MKI67: variants seen among roughly 807,000 people sequenced by gnomAD.
MKI67 encodes the protein marker of proliferation Ki-67.
A neutral mutation model predicts 233.5 loss-of-function variants in MKI67; 152 were observed. The ratio of observed to expected loss-of-function variants is 0.65; its 90% CI spans 0.57 to 0.74. The LOEUF is 0.74. Among genes scored for constraint, MKI67 ranks in the 30% least tolerant of loss-of-function variants. The pLI is 0.00. For synonymous variants in MKI67, 1,465 were observed against 1,418.5 expected, an observed-to-expected ratio of 1.03 and a Z score of -0.74; for missense variants, 3,940 against 3,885.2, an observed-to-expected ratio of 1.01 and a Z score of -0.37.
Position 128,108,304 on chromosome 10 carries a change from G to C in MKI67, c.3536C>G (p.Pro1179Arg), listed in dbSNP as rs922525302. Reference sequence around the variant, plus strand: ...AATGTCTTTCTCATCACCTCCTGCTGGTTTGGGCGTAAGCATGGCTTTCCC... The same window carrying C: ...AATGTCTTTCTCATCACCTCCTGCTCGTTTGGGCGTAAGCATGGCTTTCCC... The part of the protein sequence containing the change: ...SAGKAMLTPK[P>R]AGGDEKDIKA... Residue 1179 changes from proline (P) to arginine (R), a missense_variant, in exon 13 of 15, where the codon CCA (proline) becomes CGA (arginine). Pro to Arg is a moderately radical substitution (Grantham distance 103). Transcript: ENST00000368654. The C allele has an allele frequency of 6.2e-7, 1 of 1,613,864 alleles. No individual in the cohort carries two copies. Among genetic ancestry groups the C allele is most frequent in the Non-Finnish European group, 8.5e-7 (1 of 1,180,018 alleles).
In MKI67 at chr10:128,108,675, G is replaced by C; in HGVS notation, c.3165C>G (p.His1055Gln). 6.2e-7 allele frequency: 1 copy of C among 1,614,194 alleles called. No homozygotes were observed. The highest frequency in any genetic ancestry group is 8.5e-7 in the Non-Finnish European group (1 of 1,180,046). Residue 1055 changes from histidine (H) to glutamine (Q), a missense_variant, in exon 13 of 15, where the codon CAC becomes CAG. Coordinates refer to ENST00000368654, the MANE Select transcript of MKI67 (RefSeq NM_002417.5). The part of the protein sequence containing the change: ...TRTSGETTHT[H>Q]REPAGDGKSI... ...TCTTGCCATCTCCTGCTGGCTCTCT[G>C]TGCGTGTGCGTGGTCTCCCCTGACG...
At chr10:128,122,546 TTC>T (rs963555920) in intron 4 of MKI67, among the ~76,000 whole-genome samples, 5 of 152,196 alleles carry the variant, frequency 3.3e-5, no homozygotes, top group African/African-American at 9.7e-5. Flanking sequence ...TTGTACCTTT[TTC>T]TCTGTGTATA....
At position 128,103,216 on chromosome 10, in the gene MKI67, G is replaced by A. The variant is rs369383878; in HGVS notation, c.8624C>T (p.Pro2875Leu). Residue 2875 changes from proline (P) to leucine (L), a missense_variant, in exon 13 of 15, where the codon CCG (proline) becomes CTG (leucine). Transcript: ENST00000368654. ...TTTCGTGCCTTTGCCCTCACCTACC[G>A]GCTCTTTGTCGGTGTGCGTGGTCTC... ...SGETTHTDKEPVGEGKGTKAF... is the reference protein window; with the variant it reads ...SGETTHTDKELVGEGKGTKAF... The A allele has an allele frequency of 3.7e-5, 59 of 1,613,840 alleles. No individual in the cohort carries two copies. In the South Asian group the frequency reaches 4.4e-4, roughly 12 times the overall value.
chr10:128,106,764 G>A lies in MKI67; in HGVS notation c.5076C>T (p.Gly1692=). ...TAGGAGTTCTCAGCTGCCTCTTGCT[G>A]CCAGTTAGACTTGCTGCTGAGTCTA... ...QILDSAASLT[G]SKRQLRTPKG... Residue 1692 remains glycine (G), a synonymous_variant, in exon 13 of 15, where the codon GGC becomes GGT. Transcript: ENST00000368654. 6.2e-7 allele frequency: 1 copy of A among 1,614,104 alleles called. No individual in the cohort carries two copies. The highest frequency in any genetic ancestry group is 8.5e-7 in the Non-Finnish European group (1 of 1,180,034).
At chr10:128,114,487 C>A (rs541957085) in intron 7 of MKI67, among the ~76,000 whole-genome samples, 1 of 152,348 alleles carries the variant, frequency 6.6e-6, no homozygotes, top group Admixed American at 6.5e-5. Flanking sequence ...ACTCTGAAAA[C>A]AGAGTATCAA....
In MKI67 at chr10:128,107,484, C is replaced by T. The variant is rs756839751; in HGVS notation, c.4356G>A (p.Lys1452=). ...CCTTTTCCTTAGTTTTTGGGTGCCT[C>T]TTGCTACCAGTTACACTTGCTGCTG... ...LDPAASVTGS[K]RHPKTKEKAQ... is the part of the protein sequence containing the mutation. Residue 1452 remains lysine (K), a synonymous_variant, in exon 13 of 15, where the codon AAG becomes AAA. Transcript: ENST00000368654. The T allele has an allele frequency of 2.7e-5, 44 of 1,612,438 alleles. No homozygotes were observed. Among genetic ancestry groups the T allele is most frequent in the Middle Eastern group, 1.6e-4 (1 of 6,078 alleles).
Position 128,107,220 on chromosome 10 carries a change from T to A in MKI67, c.4620A>T (p.Thr1540=). Residue 1540 remains threonine, a synonymous_variant, in exon 13 of 15, where the codon ACA becomes ACT. Coordinates refer to ENST00000368654, the MANE Select transcript of MKI67 (RefSeq NM_002417.5). ...TCTCACCACTTACTGCTGGTTTGGG[T>A]GTGTGCATGGCTTTGCCTGCTGATG... The part of the protein sequence containing the change: ...RTPSAGKAMH[T]PKPAVSGEKN... 2 of 1,614,048 alleles carry A rather than the reference T, an allele frequency of 1.2e-6. No individual in the cohort carries two copies. The highest frequency in any genetic ancestry group is 2.2e-5 in the South Asian group (2 of 91,072).
chr10:128,110,920 T>G (rs1366929583), intron 11 of MKI67, among the ~76,000 whole-genome samples: 2 of 152,194 alleles, frequency 1.3e-5, no homozygotes, highest in African/African-American at 4.8e-5. Context: ...AAGTCTTGGG[T>G]GCTCAGTTCT....
At chr10:128,100,116 T>C (rs1564996647) in intron 14 of MKI67, among the ~76,000 whole-genome samples, 1 of 152,214 alleles carries the variant, frequency 6.6e-6, no homozygotes, top group South Asian at 2.1e-4. Context: ...GGTGTGCCTG[T>C]GGTTTCTAGG....
chr10:128,114,130 A>T (rs1852741728), intron 7 of MKI67, among the ~76,000 whole-genome samples: 1 of 152,182 alleles, frequency 6.6e-6, no homozygotes, highest in Admixed American at 6.5e-5. Flanking sequence ...ACTGAGACTG[A>T]TGTTACAAAC....
At chr10:128,099,400 T>C in intron 14 of MKI67, 145 bp from the exon 15 acceptor site, 1 of 484,702 alleles carries the variant, frequency 2.1e-6, no homozygotes, top group Non-Finnish European at 3.6e-6. Flanking sequence ...TGGAAATAAG[T>C]TTTAAAATAT....
Position 128,099,195 on chromosome 10 carries a change from T to C in MKI67, c.9766A>G (p.Ile3256Val). ...TTCCCAGTTCGATTTTTCTGTCAAATATCTTCACTGTCCCTATGACTTCTG... is the reference window on the plus strand; with the variant it reads ...TTCCCAGTTCGATTTTTCTGTCAAACATCTTCACTGTCCCTATGACTTCTG... ...RTRSHRDSEDI is the reference protein window; with the variant it reads ...RTRSHRDSEDV The change falls in exon 15 of 15, where the codon ATT (isoleucine) becomes GTT (valine). Residue 3256 changes from isoleucine (I) to valine (V), a missense_variant. By Grantham distance (29) the Ile-to-Val change is conservative. Transcript: ENST00000368654. 6.2e-7 allele frequency: 1 copy of C among 1,611,092 alleles called. No homozygotes were observed. Among genetic ancestry groups the C allele is most frequent in the South Asian group, 1.1e-5 (1 of 90,564 alleles).
At chr10:128,113,804 C>A (rs1357407624) in intron 7 of MKI67, among the ~76,000 whole-genome samples, 1 of 152,182 alleles carries the variant, frequency 6.6e-6, no homozygotes, top group Non-Finnish European at 1.5e-5. Context: ...ACTAAGACGT[C>A]AAGTTGCCAC....
intron 4 of MKI67, 73 bp from the exon 5 acceptor site, chr10:128,119,392 A>C (rs1852882289): frequency 2.0e-6 from 2 of 1,015,448 alleles, no homozygotes; most frequent in Non-Finnish European, 3.1e-6. Flanking sequence ...ATATCCACTT[A>C]ATGTCCAAGG....
At chr10:128,113,734 T>C (rs1044757358) in intron 7 of MKI67, 132 bp from the exon 8 acceptor site, 2 of 766,670 alleles carry the variant, frequency 2.6e-6, no homozygotes, top group African/African-American at 3.5e-5. Context: ...CACGCCTCTA[T>C]TCTTGCAATC....
chr10:128,117,434 C>A (rs1852831707), intron 5 of MKI67, among the ~76,000 whole-genome samples: 1 of 152,208 alleles, frequency 6.6e-6, no homozygotes, highest in African/African-American at 2.4e-5. Flanking sequence ...AGGCGCAGCG[C>A]CCCCACCTGG....
rs1590294106 is a variant in MKI67 at position 128,103,050 on chromosome 10, G to T, written c.8790C>A (p.His2930Gln). ...CAGCACCATTTGCCAGTTCCTCAGTGTGGCCTGGTGTTTGAGAGAGCTCTT... is the reference window on the plus strand; with the variant it reads ...CAGCACCATTTGCCAGTTCCTCAGTTTGGCCTGGTGTTTGAGAGAGCTCTT... ...SFQELSQTPGHTEELANGAAD... is the reference protein window; with the variant it reads ...SFQELSQTPGQTEELANGAAD... Residue 2930 changes from histidine (H) to glutamine (Q), a missense_variant, in exon 13 of 15, where the codon CAC becomes CAA. Physicochemically the swap from His to Gln is conservative, Grantham distance 24. Coordinates refer to ENST00000368654, the MANE Select transcript of MKI67 (RefSeq NM_002417.5). The T allele has an allele frequency of 7.4e-6, 12 of 1,614,228 alleles. No homozygotes were observed. The East Asian group carries it at 2.7e-4, about 36-fold the overall frequency.
Position 128,109,192 on chromosome 10 carries a change from T to C in MKI67, c.2648A>G (p.Asn883Ser), listed in dbSNP as rs779808656. 2 of 1,614,226 alleles carry C rather than the reference T, an allele frequency of 1.2e-6. No individual in the cohort carries two copies. Among genetic ancestry groups the C allele is most frequent in the Admixed American group, 3.3e-5 (2 of 60,032 alleles). ...NRSGRSTEFR[N>S]IQKLPVESKS... The stretch of plus-strand genomic sequence containing the variant: ...ACTTTCCACAGGTAGCTTCTGTATA[T>C]TCCTGAACTCTGTAGACCTTCCTGA... The change falls in exon 13 of 15, where the codon AAT becomes AGT. Residue 883 changes from asparagine (N) to serine (S), a missense_variant. Coordinates refer to ENST00000368654, the MANE Select transcript of MKI67 (RefSeq NM_002417.5).
At position 128,101,369 on chromosome 10, in the gene MKI67, C is replaced by G; in HGVS notation, c.9594G>C (p.Met3198Ile). ...TTTTTGTCTTTCTTGATCTCAGGCA[C>G]ATGGAGTCTGAATTTCCTGCTTCTC... ...GKGEAGNSDS[M>I]CLRSRKTKSQ... Residue 3198 changes from methionine to isoleucine, a missense_variant, in exon 14 of 15, where the codon ATG becomes ATC. Transcript: ENST00000368654. 1.2e-6 allele frequency: 2 copies of G among 1,614,190 alleles called. No individual in the cohort carries two copies. Among genetic ancestry groups the G allele is most frequent in the Non-Finnish European group, 1.7e-6 (2 of 1,180,010 alleles).
Sources: allele counts gnomAD v4.1 joint callset (sites outside exome capture counted in the v4.1 genomes callset), GRCh38; gene constraint gnomAD v4.1.1; transcripts MANE v1.5; gene names NCBI Gene and HGNC (gene_info 2026-07-23, HGNC 2026-07-21).